The following UGT2B15 variants were observed in gnomAD, a reference collection of about 807,000 sequenced individuals.
UGT2B15 encodes the protein UDP-glucuronosyltransferase 2B15.
UGT2B15 carries 36 observed loss-of-function variants against 45.9 expected under a neutral mutation model. The ratio of observed to expected loss-of-function variants is 0.78; its 90% confidence interval spans 0.60 to 1.04. The LOEUF is 1.04. UGT2B15 is among the 50% of genes least tolerant of loss of function. The pLI is 0.00. For synonymous variants in UGT2B15, 219 were observed against 216.4 expected, an observed-to-expected ratio of 1.01 and a Z score of -0.11; for missense variants, 617 against 622.4, an observed-to-expected ratio of 0.99 and a Z score of 0.09.
At chr4:68,655,204 C>G (rs1732770045) in intron 3 of UGT2B15, 22 bp from the exon 4 acceptor site, 2 of 1,610,612 alleles carry the variant, frequency 1.2e-6, no homozygotes, top group Non-Finnish European at 1.7e-6. Flanking sequence ...AGGAAAATAT[C>G]TTGTTCAATG....
At chr4:68,669,837 C>A in intron 1 of UGT2B15, 58 bp downstream of exon 1, 4 of 1,540,616 alleles carry the variant, frequency 2.6e-6, no homozygotes, top group Non-Finnish European at 3.5e-6. Context: ...TATAAGCTCA[C>A]CTTCAAAGGC....
intron 1 of UGT2B15, among the ~76,000 whole-genome samples, chr4:68,668,974 C>T (rs1446286192): frequency 1.3e-5 from 2 of 150,946 alleles, no homozygotes; most frequent in Non-Finnish European, 3.0e-5. Context: ...TTCATCTTAC[C>T]TTACCCATGA....
At chr4:68,650,359 C>A (rs983309705) in intron 5 of UGT2B15, among the ~76,000 whole-genome samples, 3 of 151,916 alleles carry the variant, frequency 2.0e-5, no homozygotes, top group Non-Finnish European at 4.4e-5. Context: ...TCCATGTATT[C>A]TCATTGTTCA....
chr4:68,666,746 A>ATTTTTTT (rs1172427126), intron 2 of UGT2B15, among the ~76,000 whole-genome samples: 3 of 71,110 alleles, frequency 4.2e-5, no homozygotes, highest in African/African-American at 4.2e-5. Flanking sequence ...ATATATATAT[A>ATTTTTTT]TATATATTTT....
chr4:68,659,414 T>C (rs1242586762), intron 3 of UGT2B15, among the ~76,000 whole-genome samples: 1 of 152,026 alleles, frequency 6.6e-6, no homozygotes, highest in Non-Finnish European at 1.5e-5. Flanking sequence ...TTGGTTTATT[T>C]TGTATAAAAA....
intron 3 of UGT2B15, among the ~76,000 whole-genome samples, chr4:68,657,135 A>G (rs574026589): frequency 6.6e-6 from 1 of 152,260 alleles, no homozygotes; most frequent in South Asian, 2.1e-4. Flanking sequence ...TGGTTTACAT[A>G]GGAAAATGAG....
chr4:68,652,592 G>A (rs1417252969), intron 5 of UGT2B15, among the ~76,000 whole-genome samples: 3 of 151,544 alleles, frequency 2.0e-5, no homozygotes, highest in Non-Finnish European at 4.4e-5. Context: ...ACTCTGAATT[G>A]ATGGTAGCTG....
chr4:68,666,082 C>T (rs1052966417), intron 2 of UGT2B15, among the ~76,000 whole-genome samples: 3 of 152,090 alleles, frequency 2.0e-5, no homozygotes, highest in Admixed American at 6.6e-5. Flanking sequence ...CTCTCTTCCC[C>T]CTGCTACTGG....
chr4:68,655,287 G>A, intron 3 of UGT2B15, 105 bp from the exon 4 acceptor site: 1 of 1,378,606 alleles, frequency 7.3e-7, no homozygotes, highest in East Asian at 2.3e-5. Flanking sequence ...CCATATAAAA[G>A]ATGAAGAAAT....
intron 2 of UGT2B15, among the ~76,000 whole-genome samples, chr4:68,664,898 C>T (rs1733076070): frequency 6.6e-6 from 1 of 152,044 alleles, no homozygotes; most frequent in South Asian, 2.1e-4. Flanking sequence ...CAGTGTATGG[C>T]TATTAGAGAT....
chr4:68,664,315 A>G (rs1471904063), intron 2 of UGT2B15, among the ~76,000 whole-genome samples: 7 of 151,026 alleles, frequency 4.6e-5, no homozygotes, highest in Non-Finnish European at 8.8e-5. Context: ...GTAGACCCAT[A>G]AGTTTCCTGG....
rs531523835 is a variant in UGT2B15, at chr4:68,668,703, G to C, written c.725-515C>G. Among the ~76,000 whole-genome samples the C allele has an allele frequency of 2.6e-3, 363 of 140,956 alleles. 3 individuals carry two copies. Among genetic ancestry groups the C allele is most frequent in the African/African-American group, 8.8e-3 (343 of 39,066 alleles). 92.5% of individuals were successfully genotyped at this position (140,956 alleles called of 152,430 possible). On this transcript the variant is annotated intron_variant, in intron 1 of 5. Coordinates refer to ENST00000338206, the MANE Select transcript of UGT2B15 (RefSeq NM_001076.4). ...TCCCCTGCTTGCACTTCTCTCTCCT[G>C]CCACTAAGTGAGAAGATCCAAGCTT...
Position 68,664,705 on chromosome 4 carries a change from T to A in UGT2B15, c.874-1566A>T, listed in dbSNP as rs1316092131. 2.0e-5 allele frequency among the ~76,000 whole-genome samples: 3 copies of A among 152,008 alleles called. No individual in the cohort carries two copies. In the East Asian group the frequency reaches 5.8e-4, roughly 29 times the overall value. On this transcript the variant is annotated intron_variant, in intron 2 of 5. Transcript: ENST00000338206. Reference sequence around the variant, plus strand: ...CCTCAGTCTCCTGAGTAGCTGGGATTACAGGCACCTGCCACCACGCCTGGC... The same window carrying A: ...CCTCAGTCTCCTGAGTAGCTGGGATAACAGGCACCTGCCACCACGCCTGGC...
rs367916617 is a variant in UGT2B15, at chr4:68,659,022, G to T, written c.1006-3840C>A. ...CTGTGTCAGATTAACAAGGTTTTCT[G>T]GAAGCATAAACTGACTTCTTAATAA... On this transcript the variant is annotated intron_variant, in intron 3 of 5. Transcript: ENST00000338206. Among the ~76,000 whole-genome samples the T allele has an allele frequency of 5.3e-5, 8 of 152,040 alleles. No homozygotes were observed. In the East Asian group the frequency reaches 1.4e-3, roughly 26 times the overall value.
intron 2 of UGT2B15, among the ~76,000 whole-genome samples, chr4:68,664,290 A>C (rs2109833044): frequency 6.7e-6 from 1 of 149,500 alleles, no homozygotes; most frequent in South Asian, 2.1e-4. Context: ...GAGAGAGAGA[A>C]AGAGGAAAAG....
rs1161722888 is a variant in UGT2B15, at chr4:68,668,126, A to C, written c.787T>G (p.Trp263Gly). 1 of 1,613,788 alleles carries C rather than the reference A, an allele frequency of 6.2e-7. No homozygotes were observed. Among genetic ancestry groups the C allele is most frequent in the African/African-American group, 1.3e-5 (1 of 74,918 alleles). The change falls in exon 2 of 6, where the codon TGG (tryptophan) becomes GGG (glycine). Residue 263 changes from tryptophan to glycine, a missense_variant. This residue lies in a region of UGT2B15 where 351 missense variants were observed against 342.1 expected (regional missense o/e 1.03). Coordinates refer to ENST00000338206, the MANE Select transcript of UGT2B15 (RefSeq NM_001076.4). ...AATGGGCGAGGAAATTCAAAATCCC[A>C]ATAGGTTCGAATGAGCCACATTTCA... The part of the protein sequence containing the change: ...KAEMWLIRTY[W>G]DFEFPRPFLP...
rs142432791 is a variant in UGT2B15 at position 68,647,211 on chromosome 4, C to T, written c.1486G>A (p.Ala496Thr). 8.7e-6 allele frequency: 14 copies of T among 1,613,968 alleles called. No individual in the cohort carries two copies. The highest frequency in any genetic ancestry group is 8.0e-5 in the African/African-American group (6 of 74,976). The change falls in exon 6 of 6, where the codon GCA becomes ACA. Residue 496 changes from alanine to threonine, a missense_variant. Ala to Thr is a moderately conservative substitution (Grantham distance 58, BLOSUM62 0). Coordinates refer to ENST00000338206, the MANE Select transcript of UGT2B15 (RefSeq NM_001076.4). ...GTTGCCACGCAGGCCAGCAGGAATG[C>T]TATCACATCCAAAGAGTGGTACTGG... ...WIQYHSLDVI[A>T]FLLACVATVI...
At position 68,655,231 on chromosome 4, in the gene UGT2B15, C is replaced by T. The variant is rs1012135062; in HGVS notation, c.1006-49G>A. On this transcript the variant is annotated intron_variant, in intron 3 of 5. Coordinates refer to ENST00000338206, the MANE Select transcript of UGT2B15 (RefSeq NM_001076.4). ...TGTTCAATGAATAGAACTCTAAAAA[C>T]ATAGCATGTTAGAATTCTGAAGAGA... The T allele has an allele frequency of 4.4e-6, 7 of 1,578,906 alleles. 1 individual carries two copies. In the African/African-American group the frequency reaches 5.4e-5, roughly 12 times the overall value.
At chr4:68,664,311 C>T (rs1360414820) in intron 2 of UGT2B15, among the ~76,000 whole-genome samples, 1 of 150,550 alleles carries the variant, frequency 6.6e-6, no homozygotes, top group African/African-American at 2.4e-5. Context: ...AAATGTAGAC[C>T]CATAAGTTTC....
Sources: allele counts gnomAD v4.1 joint callset (sites outside exome capture counted in the v4.1 genomes callset), GRCh38; gene constraint gnomAD v4.1.1; regional missense constraint gnomAD v4.1.1; transcripts MANE v1.5; gene names NCBI Gene and HGNC (gene_info 2026-07-23, HGNC 2026-07-21).